Variants in COL22A1 observed in about 807,000 individuals in gnomAD.
The protein encoded by COL22A1 is collagen type XXII alpha 1 chain.
In COL22A1, 221 loss-of-function variants were observed where a neutral mutation model predicts 248.9. The observed-to-expected ratio is 0.89, with a 90% CI of 0.80 to 0.99. COL22A1 has a LOEUF of 0.99. COL22A1 is among the 50% of genes least tolerant of loss of function. COL22A1 has a pLI of 0.00. For synonymous variants in COL22A1, 891 were observed against 793.4 expected, an observed-to-expected ratio of 1.12 and a Z score of -2.07; for missense variants, 2,240 against 2,179.0, an observed-to-expected ratio of 1.03 and a Z score of -0.56.
chr8:138,669,441 G>A (rs1824819291), intron 41 of COL22A1, among the ~76,000 whole-genome samples: 2 of 152,184 alleles, frequency 1.3e-5, no homozygotes, highest in African/African-American at 4.8e-5. Flanking sequence ...TAACTGTGCA[G>A]AACCAGAAAC....
intron 41 of COL22A1, among the ~76,000 whole-genome samples, chr8:138,671,595 G>A (rs1825032982): frequency 1.3e-5 from 2 of 152,216 alleles, no homozygotes; most frequent in South Asian, 2.1e-4. Flanking sequence ...TTTTTTCTTT[G>A]TCGTGTTTAT....
At chr8:138,912,515 C>A (rs143179381) in intron 1 of COL22A1, among the ~76,000 whole-genome samples, 2 of 152,090 alleles carry the variant, frequency 1.3e-5, no homozygotes, top group South Asian at 4.2e-4. Flanking sequence ...CCAAGGTGGG[C>A]GGATCACCTG....
At chr8:138,867,406 G>A (rs1822983608) in intron 3 of COL22A1, among the ~76,000 whole-genome samples, 1 of 152,134 alleles carries the variant, frequency 6.6e-6, no homozygotes, top group Non-Finnish European at 1.5e-5. Flanking sequence ...TTGATTTGTG[G>A]CATGTTCTTT....
intron 2 of COL22A1, among the ~76,000 whole-genome samples, chr8:138,879,073 T>C (rs1173886602): frequency 6.6e-6 from 1 of 152,168 alleles, no homozygotes. Context: ...AGATAACCAC[T>C]GTTAAAGCAT....
chr8:138,682,782 C>T (rs1242855514), intron 39 of COL22A1, among the ~76,000 whole-genome samples: 1 of 152,154 alleles, frequency 6.6e-6, no homozygotes, highest in Non-Finnish European at 1.5e-5. Context: ...TCACTGCAAC[C>T]TCCGCCTCCT....
chr8:138,743,823 C>T (rs1831894906), intron 22 of COL22A1, among the ~76,000 whole-genome samples: 1 of 152,032 alleles, frequency 6.6e-6, no homozygotes, highest in Non-Finnish European at 1.5e-5. Flanking sequence ...CTGGTATTTC[C>T]AAGGTTGCCT....
At chr8:138,656,067 G>T in intron 44 of COL22A1, 123 bp from the exon 45 acceptor site, 1 of 781,690 alleles carries the variant, frequency 1.3e-6, no homozygotes, top group Non-Finnish European at 2.2e-6. Context: ...CGCCGTGCGT[G>T]GGATACGGAC....
chr8:138,802,833 C>T (rs1166295626), intron 11 of COL22A1, 39 bp downstream of exon 11: 1 of 1,561,406 alleles, frequency 6.4e-7, no homozygotes, highest in Non-Finnish European at 8.8e-7. Flanking sequence ...CACGCCCGCC[C>T]TGAGGTTCAG....
chr8:138,617,280 C>T (rs1819414913), intron 53 of COL22A1, among the ~76,000 whole-genome samples: 1 of 152,154 alleles, frequency 6.6e-6, no homozygotes, highest in Non-Finnish European at 1.5e-5. Context: ...TCCAGGCTTA[C>T]AGCATATAGC....
At chr8:138,767,710 C>A (rs984054420) in intron 16 of COL22A1, among the ~76,000 whole-genome samples, 1 of 152,196 alleles carries the variant, frequency 6.6e-6, no homozygotes. Context: ...GTGCACCGCC[C>A]GGTCTCCATC....
intron 3 of COL22A1, among the ~76,000 whole-genome samples, chr8:138,862,728 A>G (rs771236099): frequency 4.5e-4 from 68 of 150,778 alleles, no homozygotes; most frequent in Admixed American, 3.7e-3. Flanking sequence ...TCCTGAATCA[A>G]TGAACAAAAT....
chr8:138,672,636 C>T lies in COL22A1; in HGVS notation c.3150+3922G>A, dbSNP rs570383689. On this transcript the variant is annotated intron_variant, in intron 41 of 64. Transcript: ENST00000303045. ...TTCCAGGGAGGGACAGTGAGAGGCT[C>T]AAAAAGGGACGTCATTTCAGGCTGC... Among the ~76,000 whole-genome samples the T allele has an allele frequency of 2.8e-4, 42 of 152,208 alleles. No homozygotes were observed. In the South Asian group the frequency reaches 8.5e-3, roughly 31 times the overall value.
chr8:138,646,275 CCATTTTAA>C (rs988498305), intron 47 of COL22A1, among the ~76,000 whole-genome samples: 1 of 152,168 alleles, frequency 6.6e-6, no homozygotes, highest in African/African-American at 2.4e-5. Context: ...TCATATCATT[CCATTTTAA>C]CAAATATCTG....
At chr8:138,617,831 T>G (rs1478302288) in intron 53 of COL22A1, among the ~76,000 whole-genome samples, 1 of 152,192 alleles carries the variant, frequency 6.6e-6, no homozygotes, top group Admixed American at 6.5e-5. Flanking sequence ...TCCACATCTG[T>G]AAAATTAGGC....
At chr8:138,866,064 C>A (rs943745944) in intron 3 of COL22A1, among the ~76,000 whole-genome samples, 4 of 151,732 alleles carry the variant, frequency 2.6e-5, no homozygotes, top group African/African-American at 9.7e-5. Flanking sequence ...GGGGTAAATT[C>A]AAAGAAACCA....
In COL22A1 at chr8:138,813,006, C is replaced by A. The variant is rs143614201; in HGVS notation, c.1259G>T (p.Arg420Leu). The change falls in exon 8 of 65, where the codon CGG (arginine) becomes CTG (leucine). Residue 420 changes from arginine (R) to leucine (L), a missense_variant. Coordinates refer to ENST00000303045, the MANE Select transcript of COL22A1 (RefSeq NM_152888.3). ...DSVPIDFDLQ[R>L]IVIYCDSRHA... ...TCTCGAGTCACAATAGATCACAATC[C>A]GCTGTAGGTCAAACTGGAAAGGAAA... 4.3e-6 allele frequency: 7 copies of A among 1,613,724 alleles called. No homozygotes were observed. Among genetic ancestry groups the A allele is most frequent in the Non-Finnish European group, 5.9e-6 (7 of 1,179,794 alleles).
intron 41 of COL22A1, among the ~76,000 whole-genome samples, chr8:138,673,001 T>C (rs150549878): frequency 1.3e-5 from 2 of 152,294 alleles, no homozygotes; most frequent in African/African-American, 4.8e-5. Context: ...ATTAAAGGGA[T>C]TTTTGTTTGT....
intron 1 of COL22A1, among the ~76,000 whole-genome samples, chr8:138,885,692 T>G (rs1824612832): frequency 6.6e-6 from 1 of 152,056 alleles, no homozygotes; most frequent in Non-Finnish European, 1.5e-5. Context: ...GCCTCCTGAG[T>G]AGCTGGGATT....
intron 9 of COL22A1, among the ~76,000 whole-genome samples, chr8:138,810,260 T>C (rs1284452158): frequency 2.6e-5 from 4 of 152,190 alleles, no homozygotes; most frequent in Admixed American, 6.5e-5. Flanking sequence ...AGGCATTGGG[T>C]CTGGCATCGC....
Sources: allele counts gnomAD v4.1 joint callset (sites outside exome capture counted in the v4.1 genomes callset), GRCh38; gene constraint gnomAD v4.1.1; transcripts MANE v1.5; gene names NCBI Gene and HGNC (gene_info 2026-07-23, HGNC 2026-07-21).